The following ZNF18 variants were observed in gnomAD, a reference collection of about 807,000 sequenced individuals.
ZNF18 encodes the protein heart development-specific gene 1 protein.
A neutral mutation model predicts 58.1 loss-of-function variants in ZNF18; 42 were observed. That is an observed-to-expected ratio of 0.72 (90% CI 0.56 to 0.93). ZNF18 has a LOEUF of 0.93. ZNF18 is among the 40% of genes least tolerant of loss of function. ZNF18 has a pLI of 0.00. For missense variants in ZNF18, 540 were observed against 644.2 expected (o/e 0.84, Z 1.75); for synonymous variants, 231 against 239.8 (o/e 0.96, Z 0.34).
chr17:11,991,146 T>C lies in ZNF18; in HGVS notation c.405A>G (p.Leu135=), dbSNP rs1968096954. 6.2e-7 allele frequency: 1 copy of C among 1,614,008 alleles called. No individual in the cohort carries two copies. Among genetic ancestry groups the C allele is most frequent in the African/African-American group, 1.3e-5 (1 of 74,924 alleles). Residue 135 remains leucine, a synonymous_variant, in exon 3 of 7, where the codon CTA becomes CTG. Coordinates refer to ENST00000580306, the MANE Select transcript of ZNF18 (RefSeq NM_001303281.2). The part of the protein sequence containing the change: ...RLWQWISIQV[L]GQDILSEKME... ...TCTTCTCTGATAAGATGTCCTGTCC[T>C]AGAACCTGGATACTGATCTAGAGAC...
chr17:11,992,516 C>T lies in ZNF18; in HGVS notation c.314G>A (p.Cys105Tyr). The change falls in exon 2 of 7, where the codon TGT (cysteine) becomes TAT (tyrosine). Residue 105 changes from cysteine (C) to tyrosine (Y), a missense_variant. By Grantham distance (194) the Cys-to-Tyr change is radical. Coordinates refer to ENST00000580306, the MANE Select transcript of ZNF18 (RefSeq NM_001303281.2). ...CACTGCCTCTTCTCCACTTCCTGGA[C>T]ACTGTTTCCGCACCCACATCTGGAT... ...GEIQMWVRKQCPGSGEEAVTL... is the reference protein window; with the variant it reads ...GEIQMWVRKQYPGSGEEAVTL... 3.7e-6 allele frequency: 6 copies of T among 1,614,222 alleles called. No individual in the cohort carries two copies. The highest frequency in any genetic ancestry group is 5.1e-6 in the Non-Finnish European group (6 of 1,180,042).
chr17:11,981,383 G>A lies in ZNF18; in HGVS notation c.862+1914C>T, dbSNP rs542411113. On this transcript the variant is annotated intron_variant, in intron 6 of 6. Coordinates refer to ENST00000580306, the MANE Select transcript of ZNF18 (RefSeq NM_001303281.2). The stretch of plus-strand genomic sequence containing the variant: ...TGCCCAGGCTGGAGTGCAATGGCGC[G>A]GTCTCGGCTCACTGCAACCTCCGCC... Among the ~76,000 whole-genome samples the A allele has an allele frequency of 4.0e-4, 60 of 150,080 alleles. 1 individual carries two copies. Among genetic ancestry groups the A allele is most frequent in the Non-Finnish European group, 7.2e-4 (49 of 67,640 alleles).
At chr17:11,998,055 T>C (rs76015839), upstream of ZNF18, among the ~76,000 whole-genome samples, 4 of 150,618 alleles carry the variant, frequency 2.7e-5, no homozygotes, top group South Asian at 8.4e-4. Flanking sequence ...TCTCTCTCTC[T>C]TCTCTCTCTC....
At chr17:11,983,520 C>A in intron 5 of ZNF18, 113 bp from the exon 6 acceptor site, 1 of 769,090 alleles carries the variant, frequency 1.3e-6, no homozygotes, top group Admixed American at 2.2e-5. Context: ...AGGCTCTGGA[C>A]ACTTGCAGAA....
At chr17:12,010,188 C>T in the ZNF18 span, among the ~76,000 whole-genome samples, 1 of 151,988 alleles carries the variant, frequency 6.6e-6, no homozygotes, top group Non-Finnish European at 1.5e-5. Context: ...ATGAATTTCA[C>T]TGTATAAATA....
intron 6 of ZNF18, among the ~76,000 whole-genome samples, chr17:11,982,085 AC>A (rs1967400005): frequency 6.6e-6 from 1 of 150,530 alleles, no homozygotes; most frequent in South Asian, 2.1e-4. Context: ...CCTCTCCCCA[AC>A]CCCCCTCTCT....
the ZNF18 span, among the ~76,000 whole-genome samples, chr17:12,013,548 T>C: frequency 2.6e-5 from 4 of 152,348 alleles, no homozygotes; most frequent in South Asian, 6.2e-4. Flanking sequence ...CTACCTTTAT[T>C]TGAGATCTCA....
At chr17:11,996,818 A>C (rs1483838855) in intron 1 of ZNF18, 1 of 152,236 alleles carries the variant, frequency 6.6e-6, no homozygotes, top group Non-Finnish European at 1.5e-5. Context: ...ACCCTGGTGT[A>C]CAGATCAGGA....
intron 1 of ZNF18, among the ~76,000 whole-genome samples, chr17:11,996,610 G>GA (rs890822466): frequency 1.2e-3 from 187 of 150,130 alleles, no homozygotes; most frequent in Non-Finnish European, 1.5e-3. Flanking sequence ...CATTAGTTAT[G>GA]AAAAAAAAAT....
chr17:11,979,829 T>C (rs181097978), intron 6 of ZNF18, among the ~76,000 whole-genome samples: 1 of 152,296 alleles, frequency 6.6e-6, no homozygotes, highest in Admixed American at 6.5e-5. Context: ...TCCTCTCAAA[T>C]GGCAAAGGTA....
intron 6 of ZNF18, among the ~76,000 whole-genome samples, chr17:11,981,487 T>TG (rs1328150464): frequency 6.6e-6 from 1 of 151,384 alleles, no homozygotes; most frequent in African/African-American, 2.4e-5. Flanking sequence ...CCCGGTTTTT[T>TG]GTTTTTTTTT....
At chr17:12,010,443 G>T in the ZNF18 span, among the ~76,000 whole-genome samples, 1 of 150,810 alleles carries the variant, frequency 6.6e-6, no homozygotes, top group Non-Finnish European at 1.5e-5. Context: ...TCCAGATGGA[G>T]TCTTGCTCTC....
rs1370160581 is a variant in ZNF18, at chr17:11,978,063, G to A, written c.1544C>T (p.Thr515Ile). ...SNFNRHQRVH[T>I]GEKPYKCSHC... Reference sequence around the variant, plus strand: ...CGAACATTTATAAGGTTTCTCTCCAGTGTGAACCCTCTGATGTCTATTAAA... The same window carrying A: ...CGAACATTTATAAGGTTTCTCTCCAATGTGAACCCTCTGATGTCTATTAAA... The change falls in exon 7 of 7, where the codon ACT becomes ATT. Residue 515 changes from threonine (T) to isoleucine (I), a missense_variant. Physicochemically the swap from Thr to Ile is moderately conservative, Grantham distance 89. Transcript: ENST00000580306. 2 of 1,613,998 alleles carry A rather than the reference G, an allele frequency of 1.2e-6. No individual in the cohort carries two copies. Among genetic ancestry groups the A allele is most frequent in the Non-Finnish European group, 1.7e-6 (2 of 1,180,016 alleles).
chr17:11,986,374 G>C (rs1967743274), intron 4 of ZNF18, among the ~76,000 whole-genome samples: 1 of 152,164 alleles, frequency 6.6e-6, no homozygotes, highest in Non-Finnish European at 1.5e-5. Context: ...GCACATCAAA[G>C]GGAAGTGGAA....
upstream of ZNF18, among the ~76,000 whole-genome samples, chr17:12,001,404 C>T (rs376253217): frequency 5.3e-5 from 8 of 152,080 alleles, no homozygotes; most frequent in African/African-American, 1.4e-4. Context: ...CTGAGGCGGG[C>T]GGATCACAAG....
At chr17:11,992,948 AG>A in intron 1 of ZNF18, 37 bp from the exon 2 acceptor site, 3 of 1,194,064 alleles carry the variant, frequency 2.5e-6, no homozygotes, top group Non-Finnish European at 3.4e-6. Flanking sequence ...ACACAGAGGA[AG>A]GGGACACATT....
the ZNF18 span, among the ~76,000 whole-genome samples, chr17:12,007,233 C>T: frequency 6.6e-6 from 1 of 152,148 alleles, no homozygotes; most frequent in Non-Finnish European, 1.5e-5. Flanking sequence ...TTTTGAGCTT[C>T]AGTTCCTGCC....
At chr17:11,995,958 G>A (rs1449235975) in intron 1 of ZNF18, among the ~76,000 whole-genome samples, 1 of 152,030 alleles carries the variant, frequency 6.6e-6, no homozygotes, top group Non-Finnish European at 1.5e-5. Flanking sequence ...TGATAGAAAA[G>A]GAACACAAGA....
At chr17:11,981,203 C>G (rs1312449407) in intron 6 of ZNF18, among the ~76,000 whole-genome samples, 1 of 152,154 alleles carries the variant, frequency 6.6e-6, no homozygotes, top group Admixed American at 6.6e-5. Context: ...CCTCCCCGGA[C>G]AGCCCGACTC....
Sources: allele counts gnomAD v4.1 joint callset (sites outside exome capture counted in the v4.1 genomes callset), GRCh38; gene constraint gnomAD v4.1.1; transcripts MANE v1.5; gene names NCBI Gene and HGNC (gene_info 2026-07-23, HGNC 2026-07-21).